Variants in SYNE1 observed in about 807,000 individuals in gnomAD.
SYNE1 encodes spectrin repeat containing nuclear envelope protein 1, also known as nesprin-1.
In SYNE1, 616 loss-of-function variants were observed where a neutral mutation model predicts 1,111.0. The observed-to-expected ratio is 0.55, with a 90% CI of 0.52 to 0.59. SYNE1 has a LOEUF of 0.59. SYNE1 is among the 20% of genes least tolerant of loss of function. The probability of loss-of-function intolerance (pLI) is 0.00; values close to 1 mark genes in which losing one functional copy is unlikely to be tolerated. For synonymous variants in SYNE1, 3,855 were observed against 3,825.8 expected, an observed-to-expected ratio of 1.01 and a Z score of -0.28; for missense variants, 10,006 against 10,417.0, an observed-to-expected ratio of 0.96 and a Z score of 1.72.
At position 152,463,463 on chromosome 6, in the gene SYNE1, C is replaced by T. The variant is rs2098746079; in HGVS notation, c.1987G>A (p.Ala663Thr). 6.2e-7 allele frequency: 1 copy of T among 1,613,704 alleles called. No homozygotes were observed. Among genetic ancestry groups the T allele is most frequent in the Non-Finnish European group, 8.5e-7 (1 of 1,179,744 alleles). Reference sequence around the variant, plus strand: ...CAGGTTTCAATTAGAAAATTGCCAGCATCGTTCATGGCAGTATGCTGCTGA... The same window carrying T: ...CAGGTTTCAATTAGAAAATTGCCAGTATCGTTCATGGCAGTATGCTGCTGA... ...WIQQHTAMNDAGNFLIETCDE... is the reference protein window; with the variant it reads ...WIQQHTAMNDTGNFLIETCDE... The change falls in exon 19 of 146, where the codon GCT becomes ACT. Residue 663 changes from alanine (A) to threonine (T), a missense_variant. By Grantham distance (58) the Ala-to-Thr change is moderately conservative. Coordinates refer to ENST00000367255, the MANE Select transcript of SYNE1 (RefSeq NM_182961.4).
rs1382460471 is a variant in SYNE1, at chr6:152,352,151, T to A, written c.11456A>T (p.Lys3819Met). ...TGCTTTGCATTTATCTGAGAATTCC[T>A]TTGCTAAATGAAGACCTTTTTCCAG... The part of the protein sequence containing the change: ...MTLEKGLHLA[K>M]EFSDKCKALT... Residue 3819 changes from lysine (K) to methionine (M), a missense_variant, in exon 70 of 146, where the codon AAG (lysine) becomes ATG (methionine). Transcript: ENST00000367255. The A allele has an allele frequency of 6.2e-7, 1 of 1,614,266 alleles. No homozygotes were observed. The highest frequency in any genetic ancestry group is 1.1e-5 in the South Asian group (1 of 91,088).
At chr6:152,577,515 C>T (rs570201279) in intron 3 of SYNE1, among the ~76,000 whole-genome samples, 10 of 152,166 alleles carry the variant, frequency 6.6e-5, no homozygotes, top group Non-Finnish European at 1.3e-4. Context: ...CGCCTGTAGT[C>T]GCAGCTACTC....
intron 6 of SYNE1, among the ~76,000 whole-genome samples, chr6:152,513,904 A>G: frequency 6.6e-6 from 1 of 152,196 alleles, no homozygotes. Context: ...TCATTAGAGA[A>G]ATGCAAATAA....
At chr6:152,204,042 C>G (rs1043715824) in intron 126 of SYNE1, among the ~76,000 whole-genome samples, 1 of 151,964 alleles carries the variant, frequency 6.6e-6, no homozygotes, top group Non-Finnish European at 1.5e-5. Context: ...GATCAACATA[C>G]AGTTGATAAA....
At chr6:152,482,906 G>A (rs770068845) in intron 14 of SYNE1, among the ~76,000 whole-genome samples, 179 bp downstream of exon 14, 8 of 152,184 alleles carry the variant, frequency 5.3e-5, no homozygotes, top group South Asian at 2.1e-4. Context: ...CACTGGAACC[G>A]TCATTAACCA....
chr6:152,523,635 C>A lies in SYNE1; in HGVS notation c.225+2445G>T, dbSNP rs543961701. Among the ~76,000 whole-genome samples, 8 of 152,140 alleles carry A rather than the reference C, an allele frequency of 5.3e-5. No homozygotes were observed. The South Asian group carries it at 1.5e-3, about 28-fold the overall frequency. Reference sequence around the variant, plus strand: ...GGAATTGCATTGAATCTATAGATTTCTTTGGGCAGTATGGTCATTTTCACA... The same window carrying A: ...GGAATTGCATTGAATCTATAGATTTATTTGGGCAGTATGGTCATTTTCACA... On this transcript the variant is annotated intron_variant, in intron 5 of 145. Coordinates refer to ENST00000367255, the MANE Select transcript of SYNE1 (RefSeq NM_182961.4).
In SYNE1 at chr6:152,407,089, G is replaced by T. The variant is rs185829704; in HGVS notation, c.6648C>A (p.Cys2216Ter). Residue 2216 changes from cysteine to a stop codon, truncating the protein, a stop_gained, in exon 45 of 146, where the codon TGC becomes TGA. Coordinates refer to ENST00000367255, the MANE Select transcript of SYNE1 (RefSeq NM_182961.4). LOFTEE classifies it high-confidence loss of function. ...RDEIEGWSNNCVPQMAENISN... is the reference protein window; with the variant it reads ...RDEIEGWSNN ...TGATGTTTTCTGCCATCTGTGGAAC[G>T]CAGTTGTTTGACCATCCCTCAATCT... 1 of 1,613,912 alleles carries T rather than the reference G, an allele frequency of 6.2e-7. No individual in the cohort carries two copies. Among genetic ancestry groups the T allele is most frequent in the Non-Finnish European group, 8.5e-7 (1 of 1,179,960 alleles).
chr6:152,294,786 A>G (rs1266473714), intron 93 of SYNE1, among the ~76,000 whole-genome samples: 3 of 152,198 alleles, frequency 2.0e-5, no homozygotes, highest in African/African-American at 7.2e-5. Context: ...CTATTATAAC[A>G]TTACATATTT....
intron 39 of SYNE1, among the ~76,000 whole-genome samples, chr6:152,425,016 G>A (rs988555528): frequency 6.6e-6 from 1 of 152,200 alleles, no homozygotes; most frequent in Non-Finnish European, 1.5e-5. Flanking sequence ...ACTAGCATAT[G>A]TGTATAAAAT....
chr6:152,440,538 G>A (rs1293978602), intron 32 of SYNE1, among the ~76,000 whole-genome samples: 6 of 150,078 alleles, frequency 4.0e-5, no homozygotes, highest in Admixed American at 4.0e-4. Context: ...GACCTTTAAG[G>A]TTCAGTTAAA....
intron 118 of SYNE1, 69 bp from the exon 119 acceptor site, chr6:152,221,115 A>AG: frequency 6.8e-7 from 1 of 1,471,800 alleles, no homozygotes; most frequent in Non-Finnish European, 9.5e-7. Context: ...GTGCTATTTT[A>AG]TTTTTCATGA....
At chr6:152,221,651 T>C (rs2080205947) in intron 117 of SYNE1, 92 bp from the exon 118 acceptor site, 2 of 1,518,188 alleles carry the variant, frequency 1.3e-6, no homozygotes, top group Admixed American at 3.4e-5. Context: ...TTCATAAATA[T>C]GTACATATAC....
At chr6:152,515,785 G>T (rs2099108510) in intron 6 of SYNE1, among the ~76,000 whole-genome samples, 1 of 152,186 alleles carries the variant, frequency 6.6e-6, no homozygotes, top group African/African-American at 2.4e-5. Context: ...ATTGGAGAAA[G>T]AAACTTGTGG....
chr6:152,444,186 A>G (rs762426749), intron 30 of SYNE1, among the ~76,000 whole-genome samples: 5 of 152,202 alleles, frequency 3.3e-5, no homozygotes, highest in Non-Finnish European at 7.3e-5. Context: ...GATGTCATCA[A>G]GTCACTCGGT....
intron 126 of SYNE1, among the ~76,000 whole-genome samples, chr6:152,202,418 T>G (rs2075690016): frequency 6.8e-6 from 1 of 146,454 alleles, no homozygotes. Context: ...TATGAAGGTA[T>G]GCCCACACTC....
rs1449487984 is a variant in SYNE1, at chr6:152,239,572, C to T, written c.20028G>A (p.Arg6676=). 1.2e-6 allele frequency: 2 copies of T among 1,614,152 alleles called. No individual in the cohort carries two copies. Among genetic ancestry groups the T allele is most frequent in the Admixed American group, 1.7e-5 (1 of 60,020 alleles). The change falls in exon 108 of 146, where the codon CGG becomes CGA. Residue 6676 remains arginine, a synonymous_variant. Transcript: ENST00000367255. ...LMAQASAVLK[R]AHKRGVELEY... Reference sequence around the variant, plus strand: ...CCAGCTCCACACCCCTCTTGTGAGCCCGTTTCAGTACAGCAGAAGCCTGAG... The same window carrying T: ...CCAGCTCCACACCCCTCTTGTGAGCTCGTTTCAGTACAGCAGAAGCCTGAG...
intron 3 of SYNE1, among the ~76,000 whole-genome samples, chr6:152,566,702 T>C (rs2099414714): frequency 1.3e-5 from 2 of 152,128 alleles, no homozygotes; most frequent in African/African-American, 4.8e-5. Context: ...GGTGTCTTTA[T>C]AGGATTACTC....
intron 90 of SYNE1, 57 bp from the exon 91 acceptor site, chr6:152,308,689 A>G (rs2095456154): frequency 1.2e-5 from 18 of 1,556,266 alleles, no homozygotes; most frequent in Non-Finnish European, 1.5e-5. Flanking sequence ...ACCAATAACT[A>G]GGTAAGTGAT....
intron 3 of SYNE1, among the ~76,000 whole-genome samples, chr6:152,585,947 T>C (rs1191634598): frequency 6.6e-6 from 1 of 152,124 alleles, no homozygotes; most frequent in Non-Finnish European, 1.5e-5. Flanking sequence ...CTGTGTGTGC[T>C]GTGTGAAATA....
Sources: allele counts gnomAD v4.1 joint callset (sites outside exome capture counted in the v4.1 genomes callset), GRCh38; gene constraint gnomAD v4.1.1; transcripts MANE v1.5; gene names NCBI Gene and HGNC (gene_info 2026-07-23, HGNC 2026-07-21).